LRRIQ3: variants seen among roughly 807,000 people sequenced by gnomAD.
LRRIQ3 encodes the protein leucine-rich repeat and IQ domain-containing protein 3.
Under a neutral mutation model 59.3 loss-of-function variants are expected in LRRIQ3, and 75 were observed. That is an observed-to-expected ratio of 1.26 (90% CI 1.05 to 1.53). The LOEUF is 1.53. Among genes scored for constraint, LRRIQ3 ranks in the 40% most tolerant of loss-of-function variants. The pLI, the probability that LRRIQ3 is intolerant of heterozygous loss-of-function variation, is 0.00. For missense variants in LRRIQ3, 831 were observed against 710.0 expected, an observed-to-expected ratio of 1.17 and a Z score of -1.94; for synonymous variants, 250 against 231.3, an observed-to-expected ratio of 1.08 and a Z score of -0.73.
chr1:74,164,409 GAGA>G (rs1415361653), intron 3 of LRRIQ3, among the ~76,000 whole-genome samples: 2 of 151,438 alleles, frequency 1.3e-5, no homozygotes, highest in East Asian at 1.9e-4. Flanking sequence ...TAAAGACAGG[GAGA>G]AGAAGAGCAT....
intron 7 of LRRIQ3, among the ~76,000 whole-genome samples, chr1:74,037,590 A>G (rs1269909078): frequency 1.3e-5 from 2 of 152,192 alleles, no homozygotes; most frequent in East Asian, 3.9e-4. Flanking sequence ...AGATCATGCC[A>G]TTGCACTCCA....
chr1:74,131,985 C>G (rs1356725282), intron 4 of LRRIQ3, among the ~76,000 whole-genome samples: 2 of 152,112 alleles, frequency 1.3e-5, no homozygotes. Flanking sequence ...ACCCCATTGT[C>G]TCAGCACAAA....
intron 4 of LRRIQ3, among the ~76,000 whole-genome samples, chr1:74,147,934 C>G (rs1647681510): frequency 6.6e-6 from 1 of 152,148 alleles, no homozygotes; most frequent in Admixed American, 6.5e-5. Context: ...AATTTGGTCA[C>G]TTTAAATTTC....
intron 4 of LRRIQ3, among the ~76,000 whole-genome samples, chr1:74,137,079 G>A (rs1393274035): frequency 1.3e-5 from 2 of 151,782 alleles, no homozygotes; most frequent in Admixed American, 6.6e-5. Flanking sequence ...CAGGAGACAT[G>A]CCTTTACAAT....
chr1:74,166,563 T>C (rs1275616814), intron 3 of LRRIQ3, among the ~76,000 whole-genome samples: 3 of 151,816 alleles, frequency 2.0e-5, no homozygotes, highest in Non-Finnish European at 4.4e-5. Flanking sequence ...CTTATCATTT[T>C]GTTCCTTCTG....
chr1:74,129,345 C>T (rs1646979386), intron 4 of LRRIQ3, among the ~76,000 whole-genome samples: 1 of 152,020 alleles, frequency 6.6e-6, no homozygotes, highest in Non-Finnish European at 1.5e-5. Context: ...AGAGAAGTCT[C>T]TCCCTGTAAC....
intron 4 of LRRIQ3, among the ~76,000 whole-genome samples, chr1:74,112,222 G>A (rs1198868556): frequency 6.6e-6 from 1 of 152,120 alleles, no homozygotes; most frequent in Non-Finnish European, 1.5e-5. Context: ...AAGGATAAAT[G>A]TAGCCTATAT....
chr1:74,184,172 C>T (rs537327138), intron 1 of LRRIQ3, among the ~76,000 whole-genome samples: 1 of 152,048 alleles, frequency 6.6e-6, no homozygotes, highest in Admixed American at 6.5e-5. Context: ...CTATACAGGC[C>T]TTCAAATGTT....
intron 7 of LRRIQ3, among the ~76,000 whole-genome samples, chr1:74,027,862 A>G (rs1281309636): frequency 6.6e-6 from 1 of 152,086 alleles, no homozygotes; most frequent in Non-Finnish European, 1.5e-5. Context: ...TACAAATGAG[A>G]TATTATGGTT....
chr1:74,148,857 C>T (rs1647743182), intron 4 of LRRIQ3, among the ~76,000 whole-genome samples: 1 of 152,058 alleles, frequency 6.6e-6, no homozygotes. Flanking sequence ...TAAATAAGAT[C>T]AAATCTTTGT....
chr1:74,070,677 C>CAT (rs1365987337), intron 6 of LRRIQ3, among the ~76,000 whole-genome samples: 3 of 151,534 alleles, frequency 2.0e-5, no homozygotes, highest in Admixed American at 6.6e-5. Flanking sequence ...TGTGTGTGTG[C>CAT]ATGTTTAGTA....
At chr1:74,182,896 A>T in intron 2 of LRRIQ3, 35 bp from the exon 3 acceptor site, 1 of 1,257,586 alleles carries the variant, frequency 8.0e-7, no homozygotes, top group Non-Finnish European at 1.1e-6. Flanking sequence ...AAATTCCAAA[A>T]TTACTTTTTT....
intron 6 of LRRIQ3, among the ~76,000 whole-genome samples, chr1:74,047,947 G>A (rs1416329474): frequency 6.6e-6 from 1 of 152,086 alleles, no homozygotes; most frequent in Non-Finnish European, 1.5e-5. Flanking sequence ...ATATCAGATA[G>A]CTCACTTTCC....
At chr1:74,137,945 G>T (rs1298786796) in intron 4 of LRRIQ3, among the ~76,000 whole-genome samples, 1 of 151,730 alleles carries the variant, frequency 6.6e-6, no homozygotes, top group Non-Finnish European at 1.5e-5. Flanking sequence ...CCTGTCAGGG[G>T]GTGGGAGGGT....
chr1:74,026,839 T>C lies in LRRIQ3; in HGVS notation c.1849A>G (p.Lys617Glu). 2 of 1,607,894 alleles carry C rather than the reference T, an allele frequency of 1.2e-6. No individual in the cohort carries two copies. Among genetic ancestry groups the C allele is most frequent in the Non-Finnish European group, 8.5e-7 (1 of 1,177,482 alleles). ...CATTTTATCAGTCCATTGGGAACTT[T>C]AAAGTCTAAATTTGTTTTCACAATT... ...VAIVKTNLDFKVPNGLIK is the reference protein window; with the variant it reads ...VAIVKTNLDFEVPNGLIK Residue 617 changes from lysine to glutamate, a missense_variant, in exon 8 of 8, where the codon AAA (lysine) becomes GAA (glutamate). Lys to Glu is a moderately conservative substitution (Grantham distance 56). Coordinates refer to ENST00000354431, the MANE Select transcript of LRRIQ3 (RefSeq NM_001105659.2).
In LRRIQ3 at chr1:74,058,087, A is replaced by C. The variant is rs181428663; in HGVS notation, c.998-16154T>G. 4.3e-3 allele frequency among the ~76,000 whole-genome samples: 661 copies of C among 152,210 alleles called. 4 individuals carry two copies. The highest frequency in any genetic ancestry group is 0.041 in the Middle Eastern group (12 of 294). Reference sequence around the variant, plus strand: ...AAAACAAAAAACAAATACTAGTGAGAACACAGCTAATGGAGAACTCTTATA... The same window carrying C: ...AAAACAAAAAACAAATACTAGTGAGCACACAGCTAATGGAGAACTCTTATA... On this transcript the variant is annotated intron_variant, in intron 6 of 7. Transcript: ENST00000354431.
At chr1:74,101,132 CAGG>C (rs1350886196) in intron 5 of LRRIQ3, among the ~76,000 whole-genome samples, 7 of 151,852 alleles carry the variant, frequency 4.6e-5, no homozygotes, top group Admixed American at 3.9e-4. Flanking sequence ...ATCTACAGAA[CAGG>C]AGAACATTTT....
chr1:74,151,479 C>T (rs1473100305), intron 4 of LRRIQ3, among the ~76,000 whole-genome samples: 3 of 151,472 alleles, frequency 2.0e-5, no homozygotes, highest in African/African-American at 7.3e-5. Context: ...GGGGAAAAAT[C>T]ATAGACAATT....
intron 3 of LRRIQ3, among the ~76,000 whole-genome samples, chr1:74,164,480 G>A (rs1557648331): frequency 6.6e-6 from 1 of 151,348 alleles, no homozygotes; most frequent in Non-Finnish European, 1.5e-5. Flanking sequence ...CCTCAATCTT[G>A]GATTTCTAGC....
Sources: gnomAD v4.1 joint callset for allele counts (sites outside exome capture counted in the v4.1 genomes callset) on GRCh38, gnomAD v4.1.1 for gene constraint, MANE v1.5 for transcripts, NCBI Gene and HGNC (gene_info 2026-07-23, HGNC 2026-07-21) for gene names.